Variants in DNAH17 observed in about 807,000 individuals in gnomAD.
DNAH17 encodes dynein axonemal heavy chain 17, also known as axonemal beta dynein heavy chain 17.
DNAH17 carries 376 observed loss-of-function variants against 485.6 expected under a neutral mutation model. The ratio of observed to expected loss-of-function variants is 0.77; its 90% CI spans 0.71 to 0.84. The LOEUF (loss-of-function observed/expected upper bound fraction) is 0.84. Ranked by LOEUF, DNAH17 falls within the 40% of genes least tolerant of loss-of-function variation. The pLI is 0.00. For synonymous variants in DNAH17, 3,031 were observed against 2,405.9 expected, an observed-to-expected ratio of 1.26 and a Z score of -7.60; for missense variants, 6,370 against 5,839.3, an observed-to-expected ratio of 1.09 and a Z score of -2.96.
rs1036958456 is a variant in DNAH17 at position 78,465,887 on chromosome 17, G to A, written c.8940+768C>T. On this transcript the variant is annotated intron_variant, in intron 56 of 80. Coordinates refer to ENST00000389840, the MANE Select transcript of DNAH17 (RefSeq NM_173628.4). ...TCTGCCCAGCCGCCCCTACTGGGAA[G>A]TGAGGAGCCCCTCTGCCCGGCCACC... Among the ~76,000 whole-genome samples, 9 of 152,050 alleles carry A rather than the reference G, an allele frequency of 5.9e-5. No individual in the cohort carries two copies. The East Asian group carries it at 7.8e-4, about 13-fold the overall frequency.
At chr17:78,485,878 T>A (rs1177254246) in intron 46 of DNAH17, 82 bp downstream of exon 46, 2 of 1,574,658 alleles carry the variant, frequency 1.3e-6, no homozygotes, top group African/African-American at 2.7e-5. Flanking sequence ...TGTTTGGACA[T>A]TCCGTGCAGG....
In DNAH17 at chr17:78,429,513, CG is replaced by C. The variant is rs1287847007; in HGVS notation, c.12226-214del. Among the ~76,000 whole-genome samples, 3 of 152,204 alleles carry C rather than the reference CG, an allele frequency of 2.0e-5. No individual in the cohort carries two copies. In the East Asian group the frequency reaches 5.8e-4, roughly 29 times the overall value. On this transcript the variant is annotated intron_variant, in intron 75 of 80. Transcript: ENST00000389840. The stretch of plus-strand genomic sequence containing the variant: ...TTCCGCGCCACCAGACGCCAATGTC[CG>C]GCCCCTTTGGCTTCTCTCACAAGGG...
intron 30 of DNAH17, among the ~76,000 whole-genome samples, chr17:78,506,510 C>G (rs1208549491): frequency 6.6e-6 from 1 of 152,130 alleles, no homozygotes; most frequent in Non-Finnish European, 1.5e-5. Flanking sequence ...AAAGCCAGGC[C>G]AAGTGCAGAG....
chr17:78,482,331 GT>G (rs1404484812), intron 48 of DNAH17, among the ~76,000 whole-genome samples: 1 of 151,914 alleles, frequency 6.6e-6, no homozygotes, highest in Non-Finnish European at 1.5e-5. Context: ...CAGCACTTTT[GT>G]TTTTTTCCCC....
chr17:78,479,333 C>A (rs537532148), intron 50 of DNAH17, among the ~76,000 whole-genome samples, 152 bp downstream of exon 50: 12 of 152,330 alleles, frequency 7.9e-5, no homozygotes, highest in Non-Finnish European at 1.8e-4. Context: ...AATTGTATTT[C>A]ACAATTTCTC....
At chr17:78,446,792 TGCC>T in intron 69 of DNAH17, among the ~76,000 whole-genome samples, 1 of 152,176 alleles carries the variant, frequency 6.6e-6, no homozygotes, top group Middle Eastern at 3.4e-3. Context: ...TACAGGTGTG[TGCC>T]ACCATGCCCG....
Position 78,425,434 on chromosome 17 carries a change from A to C in DNAH17, c.13053T>G (p.Cys4351Trp). 6.2e-7 allele frequency: 1 copy of C among 1,613,876 alleles called. No homozygotes were observed. The highest frequency in any genetic ancestry group is 8.5e-7 in the Non-Finnish European group (1 of 1,179,878). The change falls in exon 80 of 81, where the codon TGT (cysteine) becomes TGG (tryptophan). Residue 4351 changes from cysteine (C) to tryptophan (W), a missense_variant. Cys to Trp is a radical substitution (Grantham distance 215). Coordinates refer to ENST00000389840, the MANE Select transcript of DNAH17 (RefSeq NM_173628.4). Reference sequence around the variant, plus strand: ...TTTTCTTGGTCACCTCGACAGACAGACACATCTTGTCCAGGGGCCACTCGT... The same window carrying C: ...TTTTCTTGGTCACCTCGACAGACAGCCACATCTTGTCCAGGGGCCACTCGT... ...RKNEWPLDKM[C>W]LSVEVTKKNR... is the part of the protein sequence containing the mutation.
In DNAH17 at chr17:78,426,605, G is replaced by A. The variant is rs1382893542; in HGVS notation, c.12772-5C>T. 1.3e-6 allele frequency: 2 copies of A among 1,598,836 alleles called. No homozygotes were observed. The highest frequency in any genetic ancestry group is 1.7e-6 in the Non-Finnish European group (2 of 1,171,000). On this transcript the variant is annotated splice_polypyrimidine_tract_variant and splice_region_variant and intron_variant, in intron 78 of 80. Transcript: ENST00000389840. ...GGTCGTGATGGTCAGTTCTCCCTAG[G>A]AGACACACAGATGGGTGTGGGGAGC... is the stretch of plus-strand genomic sequence containing the variant.
chr17:78,469,764 C>T (rs145200653), intron 54 of DNAH17, among the ~76,000 whole-genome samples: 372 of 152,336 alleles, frequency 2.4e-3, no homozygotes, highest in African/African-American at 8.0e-3. Flanking sequence ...AATTCTGACA[C>T]GTGCTATAGC....
At chr17:78,551,353 C>G (rs1028328001) in intron 16 of DNAH17, among the ~76,000 whole-genome samples, 182 bp downstream of exon 16, 1 of 152,230 alleles carries the variant, frequency 6.6e-6, no homozygotes, top group African/African-American at 2.4e-5. Flanking sequence ...CACAGAGCAA[C>G]TGGGCTCTTT....
chr17:78,495,259 C>T (rs776068964), intron 38 of DNAH17, among the ~76,000 whole-genome samples, 162 bp from the exon 39 acceptor site: 2 of 152,112 alleles, frequency 1.3e-5, no homozygotes, highest in Non-Finnish European at 1.5e-5. Flanking sequence ...CCCGCCTGCT[C>T]CCTACTTCCC....
intron 25 of DNAH17, chr17:78,522,110 A>T (rs189960492): frequency 1.9e-5 from 3 of 156,460 alleles, no homozygotes; most frequent in African/African-American, 7.2e-5. Flanking sequence ...ATTCTAGAAC[A>T]TATAAAGAAC....
At chr17:78,538,906 G>A (rs1348824656) in intron 18 of DNAH17, among the ~76,000 whole-genome samples, 3 of 152,032 alleles carry the variant, frequency 2.0e-5, no homozygotes, top group Admixed American at 1.3e-4. Flanking sequence ...GCCTCCTGGC[G>A]GTACTCAAAA....
Position 78,553,283 on chromosome 17 carries a change from G to GGTTTT in DNAH17, c.2179-479_2179-478insAAAAC, listed in dbSNP as rs2091944708. ...AAATTACCCAGTCCCAGGTTTTTGT[G>GGTTTT]TTTTTTTTTTTTTTTTTTTTTTTTT... On this transcript the variant is annotated intron_variant, in intron 14 of 80. Transcript: ENST00000389840. Among the ~76,000 whole-genome samples the GGTTTT allele has an allele frequency of 8.3e-3, 424 of 51,016 alleles. 57 individuals carry two copies. The highest frequency in any genetic ancestry group is 0.015 in the Middle Eastern group (1 of 68). 33.5% of individuals were successfully genotyped at this position (51,016 alleles called of 152,430 possible).
intron 69 of DNAH17, 113 bp from the exon 70 acceptor site, chr17:78,445,793 C>G: frequency 8.5e-7 from 1 of 1,178,308 alleles, no homozygotes; most frequent in Non-Finnish European, 1.2e-6. Flanking sequence ...CAGGGGGCGC[C>G]CTGTCCTGCC....
intron 11 of DNAH17, among the ~76,000 whole-genome samples, chr17:78,566,402 C>CCT (rs1375426151): frequency 2.0e-5 from 3 of 152,186 alleles, no homozygotes; most frequent in Non-Finnish European, 4.4e-5. Flanking sequence ...CTCACTTGCT[C>CCT]CTCTTCCTCT....
In DNAH17 at chr17:78,454,458, G is replaced by T. The variant is rs780824355; in HGVS notation, c.10406+12C>A. On this transcript the variant is annotated intron_variant, in intron 64 of 80. Transcript: ENST00000389840. ...AGCCGGGCTTCGGCCCAGGTCCTGC[G>T]CCCGCACACACCTCTTCTGTCCCAG... The T allele has an allele frequency of 8.7e-6, 14 of 1,602,968 alleles. No homozygotes were observed. In the Middle Eastern group the frequency reaches 5.0e-4, roughly 57 times the overall value.
intron 69 of DNAH17, among the ~76,000 whole-genome samples, chr17:78,447,362 C>T (rs551000098): frequency 6.6e-6 from 1 of 152,288 alleles, no homozygotes; most frequent in East Asian, 1.9e-4. Context: ...TATTCCATGC[C>T]ATCTTGTCGC....
Position 78,462,806 on chromosome 17 carries a change from A to T in DNAH17, c.9174+38T>A, listed in dbSNP as rs1428716611. On this transcript the variant is annotated intron_variant, in intron 57 of 80. Transcript: ENST00000389840. ...AGCAGCTCCTGCGAGGCCTCCAGGG[A>T]ACGGCACAGGAGCTGGCAGCCAGCC... 10 of 1,604,174 alleles carry T rather than the reference A, an allele frequency of 6.2e-6. No homozygotes were observed. The East Asian group carries it at 2.0e-4, about 32-fold the overall frequency.
Sources: gnomAD v4.1 joint callset for allele counts (sites outside exome capture counted in the v4.1 genomes callset) on GRCh38, gnomAD v4.1.1 for gene constraint, MANE v1.5 for transcripts, NCBI Gene and HGNC (gene_info 2026-07-23, HGNC 2026-07-21) for gene names.